Variants in TBC1D4 observed in about 807,000 individuals in gnomAD.
TBC1D4 encodes TBC (Tre-2, BUB2, CDC16) domain-containing protein.
A neutral mutation model predicts 142.5 loss-of-function variants in TBC1D4; 121 were observed. That is an observed-to-expected ratio of 0.85 (90% CI 0.73 to 0.99). TBC1D4 has a LOEUF of 0.99. TBC1D4 is among the 50% of genes least tolerant of loss of function. The pLI is 0.00. For missense variants in TBC1D4, 1,475 were observed against 1,606.6 expected (o/e 0.92, Z 1.40); for synonymous variants, 630 against 628.2 (o/e 1.00, Z -0.04).
intron 1 of TBC1D4, among the ~76,000 whole-genome samples, chr13:75,409,382 C>T (rs1011101016): frequency 2.6e-5 from 4 of 152,048 alleles, no homozygotes; most frequent in African/African-American, 9.7e-5. Context: ...CCAGATATTT[C>T]AACTGACTCA....
chr13:75,377,613 A>T (rs924756023), intron 1 of TBC1D4, among the ~76,000 whole-genome samples: 3 of 151,294 alleles, frequency 2.0e-5, no homozygotes, highest in Non-Finnish European at 4.4e-5. Context: ...TAACTATTCA[A>T]GTATGACTTC....
chr13:75,291,807 G>C (rs1029108315), intron 19 of TBC1D4, among the ~76,000 whole-genome samples: 1 of 152,122 alleles, frequency 6.6e-6, no homozygotes, highest in African/African-American at 2.4e-5. Flanking sequence ...AAAGGCAAGA[G>C]GATCTGATTT....
chr13:75,395,318 T>C lies in TBC1D4; in HGVS notation c.499-32711A>G, dbSNP rs557002464. 3.0e-4 allele frequency among the ~76,000 whole-genome samples: 45 copies of C among 152,296 alleles called. No individual in the cohort carries two copies. The South Asian group carries it at 8.9e-3, about 30-fold the overall frequency. Reference sequence around the variant, plus strand: ...TGGTATATCTAAACAGGAACAAACATGTACAAGACTCAGTTCAAACTAGAA... The same window carrying C: ...TGGTATATCTAAACAGGAACAAACACGTACAAGACTCAGTTCAAACTAGAA... On this transcript the variant is annotated intron_variant, in intron 1 of 20. Coordinates refer to ENST00000377636, the MANE Select transcript of TBC1D4 (RefSeq NM_014832.5).
chr13:75,392,208 C>T (rs1022928671), intron 1 of TBC1D4, among the ~76,000 whole-genome samples: 5 of 152,126 alleles, frequency 3.3e-5, no homozygotes, highest in Admixed American at 2.0e-4. Flanking sequence ...GGATAAATAA[C>T]CAAAAGGCCG....
intron 10 of TBC1D4, among the ~76,000 whole-genome samples, chr13:75,324,930 A>C (rs1193208364): frequency 1.3e-5 from 2 of 152,208 alleles, no homozygotes; most frequent in Admixed American, 1.3e-4. Flanking sequence ...GAATTGTGCC[A>C]CTATGGTTTA....
intron 1 of TBC1D4, among the ~76,000 whole-genome samples, chr13:75,424,873 TAA>T (rs1450117954): frequency 2.6e-5 from 4 of 152,126 alleles, no homozygotes; most frequent in African/African-American, 7.2e-5. Context: ...CAAACCGAAT[TAA>T]AGACTTAGAC....
chr13:75,293,325 T>C (rs1399557696), intron 18 of TBC1D4, among the ~76,000 whole-genome samples: 1 of 152,196 alleles, frequency 6.6e-6, no homozygotes, highest in Non-Finnish European at 1.5e-5. Context: ...CATGCATCTT[T>C]CCATTTCCTG....
intron 15 of TBC1D4, among the ~76,000 whole-genome samples, chr13:75,304,909 C>A (rs518081): frequency 0.52 from 79,623 of 151,912 alleles, 21,377 homozygotes; most frequent in East Asian, 0.69. Context: ...GGAGAGATAA[C>A]AAAATGAGAT....
intron 18 of TBC1D4, 137 bp downstream of exon 18, chr13:75,294,717 C>A (rs1287857490): frequency 2.2e-6 from 2 of 893,732 alleles, no homozygotes; most frequent in African/African-American, 1.7e-5. Flanking sequence ...CAGCCAGGCA[C>A]ATTTATTAAA....
chr13:75,458,430 G>A (rs113894115), intron 1 of TBC1D4, among the ~76,000 whole-genome samples: 9 of 152,112 alleles, frequency 5.9e-5, no homozygotes, highest in African/African-American at 1.7e-4. Context: ...ATATGGGCTC[G>A]AGGTAGGGAT....
Position 75,362,002 on chromosome 13 carries a change from C to G in TBC1D4, c.1080+24G>C. The G allele has an allele frequency of 6.2e-7, 1 of 1,613,902 alleles. No individual in the cohort carries two copies. ...CATCTGGCACCTTTTGGGGCAAGGGCAGACAGCGTCCGATCAGGTGTACCT... is the reference window on the plus strand; with the variant it reads ...CATCTGGCACCTTTTGGGGCAAGGGGAGACAGCGTCCGATCAGGTGTACCT... On this transcript the variant is annotated intron_variant, in intron 2 of 20. Coordinates refer to ENST00000377636, the MANE Select transcript of TBC1D4 (RefSeq NM_014832.5). The surrounding 1 kb of genome is among the most constrained non-coding windows in gnomAD (Gnocchi z 4.2).
chr13:75,392,667 T>C (rs1884552897), intron 1 of TBC1D4, among the ~76,000 whole-genome samples: 1 of 149,750 alleles, frequency 6.7e-6, no homozygotes, highest in Non-Finnish European at 1.5e-5. Context: ...ACAGAGTCTC[T>C]CTCTGTTCCC....
chr13:75,455,338 A>G (rs1887686480), intron 1 of TBC1D4, among the ~76,000 whole-genome samples: 1 of 152,176 alleles, frequency 6.6e-6, no homozygotes, highest in Non-Finnish European at 1.5e-5. Flanking sequence ...GTTTGTCCCC[A>G]GTCCTATTTG....
At chr13:75,336,712 A>G (rs1390501305) in intron 8 of TBC1D4, among the ~76,000 whole-genome samples, 1 of 152,190 alleles carries the variant, frequency 6.6e-6, no homozygotes, top group African/African-American at 2.4e-5. Flanking sequence ...CTGCACTCCA[A>G]TCTGGGTGAC....
At chr13:75,331,981 G>C (rs1460635679) in intron 8 of TBC1D4, among the ~76,000 whole-genome samples, 2 of 152,132 alleles carry the variant, frequency 1.3e-5, no homozygotes, top group African/African-American at 4.8e-5. Flanking sequence ...GACCTTGTTA[G>C]GTCGCAAAAT....
At chr13:75,467,712 C>T (rs1888223086) in intron 1 of TBC1D4, among the ~76,000 whole-genome samples, 1 of 152,026 alleles carries the variant, frequency 6.6e-6, no homozygotes, top group Non-Finnish European at 1.5e-5. Flanking sequence ...AAGTAGAACC[C>T]CAACCCACAA....
In TBC1D4 at chr13:75,481,330, C is replaced by G. The variant is rs1240612790; in HGVS notation, c.438G>C (p.Gln146His). 1 of 1,613,820 alleles carries G rather than the reference C, an allele frequency of 6.2e-7. No homozygotes were observed. Among genetic ancestry groups the G allele is most frequent in the Non-Finnish European group, 8.5e-7 (1 of 1,179,826 alleles). ...CCATCTGCGACTCGGGGTCGTCGGG[C>G]TGCGCCTTGATCAGGTAGGCAAAGT... ...LTYFAYLIKA[Q>H]PDDPESQMAC... is the part of the protein sequence containing the mutation. Residue 146 changes from glutamine (Q) to histidine (H), a missense_variant, in exon 1 of 21, where the codon CAG becomes CAC. Transcript: ENST00000377636.
At chr13:75,343,965 C>T (rs548846478) in intron 5 of TBC1D4, among the ~76,000 whole-genome samples, 6 of 152,266 alleles carry the variant, frequency 3.9e-5, no homozygotes, top group African/African-American at 1.4e-4. Flanking sequence ...CTCAACCTCC[C>T]AAGTAGCTGG....
At chr13:75,451,935 A>T (rs2138244363) in intron 1 of TBC1D4, among the ~76,000 whole-genome samples, 1 of 152,148 alleles carries the variant, frequency 6.6e-6, no homozygotes, top group African/African-American at 2.4e-5. Context: ...TGTTTAAACT[A>T]TTGTACTTCA....
Sources: allele counts gnomAD v4.1 joint callset (sites outside exome capture counted in the v4.1 genomes callset), GRCh38; gene constraint gnomAD v4.1.1; non-coding constraint Gnocchi (gnomAD v3.1); transcripts MANE v1.5; gene names NCBI Gene and HGNC (gene_info 2026-07-23, HGNC 2026-07-21).